The following UNC13D variants were observed in gnomAD, a reference collection of about 807,000 sequenced individuals.
UNC13D encodes the protein unc-13 homolog D.
Under a neutral mutation model 151.7 loss-of-function variants are expected in UNC13D, and 115 were observed. That is an observed-to-expected ratio of 0.76 (90% CI 0.65 to 0.88). The LOEUF (loss-of-function observed/expected upper bound fraction) is 0.88, where lower values mean the gene tolerates loss of function less well. Among genes scored for constraint, UNC13D ranks in the 40% least tolerant of loss-of-function variants. The pLI is 0.00. For synonymous variants in UNC13D, 588 were observed against 612.2 expected (o/e 0.96, Z 0.58); for missense variants, 1,369 against 1,438.7 (o/e 0.95, Z 0.78).
chr17:75,842,710 G>A, intron 5 of UNC13D, 97 bp from the exon 6 acceptor site: 1 of 1,600,366 alleles, frequency 6.2e-7, no homozygotes, highest in Non-Finnish European at 8.5e-7. Context: ...CTCCTCCGGG[G>A]GAGAGGGAAG....
chr17:75,841,750 ATTTT>A (rs1212805297), intron 6 of UNC13D, among the ~76,000 whole-genome samples: 2 of 111,332 alleles, frequency 1.8e-5, no homozygotes, highest in Non-Finnish European at 1.9e-5. Context: ...GCCCCCACTA[ATTTT>A]TTTTTTTTTT....
chr17:75,833,183 G>T lies in UNC13D; in HGVS notation c.2368-138C>A. ...AGTTTGTAGTGTCTGTAAGAGGCCGGCCTGCCCACCTCTCTGCCTTCCCCT... is the reference window on the plus strand; with the variant it reads ...AGTTTGTAGTGTCTGTAAGAGGCCGTCCTGCCCACCTCTCTGCCTTCCCCT... On this transcript the variant is annotated intron_variant, in intron 24 of 31. Transcript: ENST00000207549. The surrounding 1 kb of genome is among the most constrained non-coding windows in gnomAD (Gnocchi z 4.0). 1.3e-6 allele frequency: 1 copy of T among 782,588 alleles called. No individual in the cohort carries two copies. Among genetic ancestry groups the T allele is most frequent in the Non-Finnish European group, 2.1e-6 (1 of 473,424 alleles). The allele number at this position is 782,588 out of a possible 1,614,324, so 48.5% of individuals were successfully genotyped here. A position where few individuals can be genotyped will look rare whatever the true frequency, so the allele number is the denominator to read the frequency against.
rs576759232 is a variant in UNC13D at position 75,830,460 on chromosome 17, A to G, written c.2732T>C (p.Leu911Pro). ...QQQAETTSEELGAVTVKASYR... is the reference protein window; with the variant it reads ...QQQAETTSEEPGAVTVKASYR... The stretch of plus-strand genomic sequence containing the variant: ...GGAGGCCTTGACTGTCACAGCCCCC[A>G]GCTCCTCAGAGGTGGTTTCTGCCTG... The change falls in exon 29 of 32, where the codon CTG (leucine) becomes CCG (proline). Residue 911 changes from leucine to proline, a missense_variant. Physicochemically the swap from Leu to Pro is moderately conservative, Grantham distance 98. Transcript: ENST00000207549. The G allele has an allele frequency of 6.3e-7, 1 of 1,589,566 alleles. No individual in the cohort carries two copies. The highest frequency in any genetic ancestry group is 8.6e-7 in the Non-Finnish European group (1 of 1,168,672).
rs570148871 is a variant in UNC13D, at chr17:75,841,603, G to A, written c.570-602C>T. 8.6e-5 allele frequency among the ~76,000 whole-genome samples: 13 copies of A among 150,966 alleles called. No individual in the cohort carries two copies. In the East Asian group the frequency reaches 1.2e-3, roughly 14 times the overall value. On this transcript the variant is annotated intron_variant, in intron 6 of 31. Transcript: ENST00000207549. Reference sequence around the variant, plus strand: ...ATTACAGGCATGCACCTCCACGCCCGGCTAATTTTTGTACTTTTAGGAGAG... The same window carrying A: ...ATTACAGGCATGCACCTCCACGCCCAGCTAATTTTTGTACTTTTAGGAGAG...
At position 75,840,433 on chromosome 17, in the gene UNC13D, G is replaced by A. The variant is rs1342724244; in HGVS notation, c.753+74C>T. 4 of 1,606,992 alleles carry A rather than the reference G, an allele frequency of 2.5e-6. No homozygotes were observed. The highest frequency in any genetic ancestry group is 8.5e-7 in the Non-Finnish European group (1 of 1,174,148). ...CCAGGCTCAGCTTTGTGAGGACACAGAGCCTCTCCCCAGAACCCCTCCCAA... is the reference window on the plus strand; with the variant it reads ...CCAGGCTCAGCTTTGTGAGGACACAAAGCCTCTCCCCAGAACCCCTCCCAA... On this transcript the variant is annotated intron_variant, in intron 9 of 31. Coordinates refer to ENST00000207549, the MANE Select transcript of UNC13D (RefSeq NM_199242.3). The surrounding 1 kb of genome is among the most constrained non-coding windows in gnomAD (Gnocchi z 4.6).
At chr17:75,839,730 G>T in intron 12 of UNC13D, 109 bp downstream of exon 12, 1 of 1,218,248 alleles carries the variant, frequency 8.2e-7, no homozygotes, top group Non-Finnish European at 1.2e-6. Flanking sequence ...CACATTTTGG[G>T]CCAAAGGGAA....
rs780700984 is a variant in UNC13D at position 75,834,097 on chromosome 17, C to T, written c.2345G>A (p.Arg782Lys). Residue 782 changes from arginine (R) to lysine (K), a missense_variant, in exon 24 of 32, where the codon AGG becomes AAG. Arg to Lys is a conservative substitution (Grantham distance 26, BLOSUM62 2). This residue lies in a region of UNC13D where 807 missense variants were observed against 795.5 expected (regional missense o/e 1.01). Transcript: ENST00000207549. ...AKHIQKLVGV[R>K]ESVLPEDAIL... is the part of the protein sequence containing the mutation. Reference sequence around the variant, plus strand: ...TACATCCTCAGGCAGGACAGACTCCCTGACGCCCACCAGTTTCTGGATGTG... The same window carrying T: ...TACATCCTCAGGCAGGACAGACTCCTTGACGCCCACCAGTTTCTGGATGTG... 6.8e-6 allele frequency: 11 copies of T among 1,613,786 alleles called. No homozygotes were observed. The highest frequency in any genetic ancestry group is 9.3e-6 in the Non-Finnish European group (11 of 1,180,004).
At chr17:75,834,793 T>C in intron 21 of UNC13D, 77 bp from the exon 22 acceptor site, 1 of 1,607,914 alleles carries the variant, frequency 6.2e-7, no homozygotes, top group Non-Finnish European at 8.5e-7. Context: ...GCATGGGAAT[T>C]TCAGCGACTT....
In UNC13D at chr17:75,836,619, G is replaced by A. The variant is rs775673152; in HGVS notation, c.1251C>T (p.Phe417=). 5.0e-6 allele frequency: 8 copies of A among 1,613,826 alleles called. No homozygotes were observed. Among genetic ancestry groups the A allele is most frequent in the Non-Finnish European group, 6.8e-6 (8 of 1,180,028 alleles). The change falls in exon 14 of 32, where the codon TTC becomes TTT. Residue 417 remains phenylalanine, a synonymous_variant. Transcript: ENST00000207549. ...LSLIRRFRSV[F]PLSVSDSPAR... is the part of the protein sequence containing the mutation. ...CTGGGGAGTCCGAGACAGAGAGGGGGAAGACAGAGCGGAACCTCCGGATGA... is the reference window on the plus strand; with the variant it reads ...CTGGGGAGTCCGAGACAGAGAGGGGAAAGACAGAGCGGAACCTCCGGATGA...
At position 75,833,498 on chromosome 17, in the gene UNC13D, C is replaced by T. The variant is rs1020236436; in HGVS notation, c.2368-453G>A. Among the ~76,000 whole-genome samples, 17 of 152,172 alleles carry T rather than the reference C, an allele frequency of 1.1e-4. No homozygotes were observed. Among genetic ancestry groups the T allele is most frequent in the Non-Finnish European group, 2.2e-4 (15 of 68,038 alleles). ...TTATCTAGCACACTGCATGTGTGTG[C>T]ACGCGCATACACGCCTGTGCATAGA... On this transcript the variant is annotated intron_variant, in intron 24 of 31. Coordinates refer to ENST00000207549, the MANE Select transcript of UNC13D (RefSeq NM_199242.3). This position sits in a 1 kb window ranked among gnomAD's most constrained non-coding sequence, Gnocchi z 4.0.
rs550133640 is a variant in UNC13D at position 75,843,327 on chromosome 17, G to A, written c.154-61C>T. Reference sequence around the variant, plus strand: ...GCCACCCCTGGCACCAACACCTCTCGCCATGGGCAGGACAAGGGCGGCTTG... The same window carrying A: ...GCCACCCCTGGCACCAACACCTCTCACCATGGGCAGGACAAGGGCGGCTTG... On this transcript the variant is annotated intron_variant, in intron 2 of 31. Coordinates refer to ENST00000207549, the MANE Select transcript of UNC13D (RefSeq NM_199242.3). 1.1e-5 allele frequency: 18 copies of A among 1,593,746 alleles called. No homozygotes were observed. In the Admixed American group the frequency reaches 1.2e-4, roughly 11 times the overall value.
rs142996967 is a variant in UNC13D, at chr17:75,843,090, C to T, written c.262-17G>A. On this transcript the variant is annotated splice_polypyrimidine_tract_variant and intron_variant, in intron 3 of 31. Transcript: ENST00000207549. ...GTGGAAGGCCTGGTGGGGAGGCAGG[C>T]GGGTGGGTGGCTGGGGGCACCAGAC... 9,424 of 673,414 alleles carry T rather than the reference C, an allele frequency of 0.014. 222 individuals are homozygous for T. Among genetic ancestry groups the T allele is most frequent in the African/African-American group, 0.081 (4,573 of 56,240 alleles). The allele number at this position is 673,414 out of a possible 1,614,324, so 41.7% of individuals were successfully genotyped here.
chr17:75,840,109 CTCTG>C lies in UNC13D; in HGVS notation c.859-3_859del. On this transcript the variant is annotated splice_acceptor_variant and splice_polypyrimidine_tract_variant and coding_sequence_variant and intron_variant, in exon 11 of 32. Coordinates refer to ENST00000207549, the MANE Select transcript of UNC13D (RefSeq NM_199242.3). LOFTEE classifies it high-confidence loss of function. This position sits in a 1 kb window ranked among gnomAD's most constrained non-coding sequence, Gnocchi z 4.6. ...CTGCGAGCGGCTGGCCGAAGTGGCT[CTCTG>C]CAATGAGGCCTCTGTGAGCAGACAG... 1 of 1,612,694 alleles carries C rather than the reference CTCTG, an allele frequency of 6.2e-7. No homozygotes were observed. Among genetic ancestry groups the C allele is most frequent in the Non-Finnish European group, 8.5e-7 (1 of 1,179,756 alleles).
chr17:75,828,536 C>T (rs937680769), intron 31 of UNC13D, among the ~76,000 whole-genome samples: 1 of 152,236 alleles, frequency 6.6e-6, no homozygotes, highest in Admixed American at 6.5e-5. Flanking sequence ...GAAGCGGCCC[C>T]GCCGAGTGAG....
rs926311720 is a variant in UNC13D, at chr17:75,833,797, G to A, written c.2367+278C>T. Among the ~76,000 whole-genome samples the A allele has an allele frequency of 5.9e-5, 9 of 152,358 alleles. No homozygotes were observed. In the Middle Eastern group the frequency reaches 0.014, roughly 230 times the overall value. ...TGGCTTGTGTGAACAGGACGGCAAA[G>A]CTAGGAGGCAGCTGAGAAGGATGTG... On this transcript the variant is annotated intron_variant, in intron 24 of 31. Coordinates refer to ENST00000207549, the MANE Select transcript of UNC13D (RefSeq NM_199242.3). The surrounding 1 kb of genome is among the most constrained non-coding windows in gnomAD (Gnocchi z 4.0).
rs1448305115 is a variant in UNC13D at position 75,836,104 on chromosome 17, G to T, written c.1452C>A (p.Ile484=). The change falls in exon 17 of 32, where the codon ATC becomes ATA. Residue 484 remains isoleucine, a synonymous_variant. Coordinates refer to ENST00000207549, the MANE Select transcript of UNC13D (RefSeq NM_199242.3). ...CCAGCAAGGCCTTGCCTGCCTCCGGGATGCCCTGCAGAGACAGAGGTGGGC... is the reference window on the plus strand; with the variant it reads ...CCAGCAAGGCCTTGCCTGCCTCCGGTATGCCCTGCAGAGACAGAGGTGGGC... The part of the protein sequence containing the change: ...QQHHQPMVQG[I]PEAGKALLGL... 2 of 1,613,346 alleles carry T rather than the reference G, an allele frequency of 1.2e-6. No individual in the cohort carries two copies. The highest frequency in any genetic ancestry group is 1.7e-6 in the Non-Finnish European group (2 of 1,180,026).
Position 75,841,061 on chromosome 17 carries a change from A to C in UNC13D, c.570-60T>G, listed in dbSNP as rs8067076. On this transcript the variant is annotated intron_variant, in intron 6 of 31. Transcript: ENST00000207549. ...GAGGGTGGATGCCCCCAGACGAAGC[A>C]GTAAGTGACCACAGCCCAGAGCCAT... 564,043 of 1,603,944 alleles carry C rather than the reference A, an allele frequency of 0.35. 109,911 individuals are homozygous for C. The highest frequency in any genetic ancestry group is 0.84 in the African/African-American group (62,224 of 74,422).
chr17:75,828,002 TTGGCCCG>T lies in UNC13D; in HGVS notation c.3229_3235del (p.Arg1077SerfsTer48), dbSNP rs766652119. The stretch of plus-strand genomic sequence containing the variant: ...CCGCAAGGCATGCTGGGAGGCCTGC[TTGGCCCG>T]GTGCCGCCGCAGCCTCACAAAGACC... On this transcript the variant is annotated frameshift_variant, in exon 32 of 32. Coordinates refer to ENST00000207549, the MANE Select transcript of UNC13D (RefSeq NM_199242.3). LOFTEE classifies it high-confidence loss of function. 49 of 1,601,130 alleles carry T rather than the reference TTGGCCCG, an allele frequency of 3.1e-5. No individual in the cohort carries two copies. In the East Asian group the frequency reaches 1.0e-3, roughly 33 times the overall value.
In UNC13D at chr17:75,840,271, G is replaced by A. The variant is rs556339269; in HGVS notation, c.812C>T (p.Pro271Leu). ...YPLEPRTETY[P>L]DRGQCHLQFQ... is the part of the protein sequence containing the mutation. ...CTGGAGGTGGCACTGGCCTCGGTCT[G>A]GGTAGGTCTCAGTGCGGGGTTCCAG... Residue 271 changes from proline (P) to leucine (L), a missense_variant, in exon 10 of 32, where the codon CCA becomes CTA. By Grantham distance (98) the Pro-to-Leu change is moderately conservative. This residue lies in a region of UNC13D where 550 missense variants were observed against 609.0 expected (regional missense o/e 0.90). Transcript: ENST00000207549. The surrounding 1 kb of genome is among the most constrained non-coding windows in gnomAD (Gnocchi z 4.6). 5 of 1,614,026 alleles carry A rather than the reference G, an allele frequency of 3.1e-6. No homozygotes were observed. The African/African-American group carries it at 5.3e-5, about 17-fold the overall frequency.
Sources: allele counts gnomAD v4.1 joint callset (sites outside exome capture counted in the v4.1 genomes callset), GRCh38; gene constraint gnomAD v4.1.1; regional missense constraint gnomAD v4.1.1; non-coding constraint Gnocchi (gnomAD v3.1); transcripts MANE v1.5; gene names NCBI Gene and HGNC (gene_info 2026-07-23, HGNC 2026-07-21).